Variants in JPT2 observed in about 807,000 individuals in gnomAD.
JPT2 encodes the protein Jupiter microtubule associated homolog 2, also known as CRAMP_1 like.
A neutral mutation model predicts 15.9 loss-of-function variants in JPT2; 9 were observed. The ratio of observed to expected loss-of-function variants is 0.57; its 90% CI spans 0.34 to 0.99. The LOEUF is 0.99. JPT2 is among the 50% of genes least tolerant of loss of function. The pLI is 0.02. For synonymous variants in JPT2, 95 were observed against 91.7 expected (o/e 1.04, Z -0.21); for missense variants, 267 against 252.1 (o/e 1.06, Z -0.40).
intron 1 of JPT2, 128 bp from the exon 2 acceptor site, chr16:1,685,311 G>T: frequency 2.0e-6 from 2 of 1,002,618 alleles, no homozygotes; most frequent in South Asian, 3.2e-5. Flanking sequence ...CTGGGTGACA[G>T]AATGAGACCT....
In JPT2 at chr16:1,699,504, G is replaced by C. The variant is rs1159169009; in HGVS notation, c.*506G>C. ...CATTTTACCCCCAGCATATTGTTCT[G>C]TAGTCTTTTCTTGAAACATCTTGAT... On this transcript the variant is annotated 3_prime_UTR_variant, in exon 5 of 5. Coordinates refer to ENST00000248098, the MANE Select transcript of JPT2 (RefSeq NM_144570.3). 2 of 329,918 alleles carry C rather than the reference G, an allele frequency of 6.1e-6. No individual in the cohort carries two copies. The highest frequency in any genetic ancestry group is 7.7e-5 in the East Asian group (1 of 13,050). 20.4% of individuals were successfully genotyped at this position (329,918 alleles called of 1,614,324 possible).
At chr16:1,692,230 C>T (rs2037108680) in intron 3 of JPT2, 2 of 547,120 alleles carry the variant, frequency 3.7e-6, no homozygotes, top group East Asian at 6.5e-5. Flanking sequence ...ACGCCCACTG[C>T]AGACGGGCTG....
chr16:1,696,940 G>A (rs1049026175), intron 3 of JPT2, among the ~76,000 whole-genome samples: 4 of 152,200 alleles, frequency 2.6e-5, no homozygotes, highest in Non-Finnish European at 5.9e-5. Context: ...ATTACCATAT[G>A]ACCGAATAAT....
At chr16:1,696,243 C>T (rs1420644295) in intron 3 of JPT2, among the ~76,000 whole-genome samples, 3 of 150,796 alleles carry the variant, frequency 2.0e-5, no homozygotes, top group Non-Finnish European at 3.0e-5. Context: ...AAACAAAAAA[C>T]AAACAAAAAA....
intron 3 of JPT2, among the ~76,000 whole-genome samples, chr16:1,694,300 G>A (rs1175989785): frequency 3.3e-5 from 5 of 152,134 alleles, no homozygotes; most frequent in African/African-American, 4.8e-5. Flanking sequence ...ACGCTGTTTC[G>A]TCAAAAAAAT....
chr16:1,680,324 C>T (rs1168785622), intron 1 of JPT2: 7 of 1,002,930 alleles, frequency 7.0e-6, no homozygotes, highest in East Asian at 1.1e-4. Context: ...CCCTGAGCGA[C>T]GCCGATGTTT....
chr16:1,695,646 A>G (rs1417107416), intron 3 of JPT2, among the ~76,000 whole-genome samples: 1 of 152,088 alleles, frequency 6.6e-6, no homozygotes, highest in Non-Finnish European at 1.5e-5. Flanking sequence ...TGAAGCAGGC[A>G]GATTGCTTGA....
At chr16:1,687,528 CAG>C (rs753148462) in intron 2 of JPT2, among the ~76,000 whole-genome samples, 6 of 152,182 alleles carry the variant, frequency 3.9e-5, no homozygotes, top group Non-Finnish European at 5.9e-5. Flanking sequence ...CCCTACTCAG[CAG>C]AGTCATGTCT....
chr16:1,685,316 A>G (rs2037056191), intron 1 of JPT2, 123 bp from the exon 2 acceptor site: 8 of 1,055,976 alleles, frequency 7.6e-6, no homozygotes, highest in Non-Finnish European at 1.1e-5. Flanking sequence ...TGACAGAATG[A>G]GACCTTGTCT....
At chr16:1,688,887 T>G (rs1314947689) in intron 2 of JPT2, 1 of 152,238 alleles carries the variant, frequency 6.6e-6, no homozygotes, top group African/African-American at 2.4e-5. Context: ...ACATATGTGG[T>G]ATGACTACCT....
chr16:1,702,133 C>T (rs370372420), downstream of JPT2: 185 of 456,032 alleles, frequency 4.1e-4, no homozygotes, highest in Middle Eastern at 0.011. Flanking sequence ...AATATCCTTA[C>T]AGGCATTATG....
intron 1 of JPT2, among the ~76,000 whole-genome samples, chr16:1,684,562 G>A (rs1163832761): frequency 1.3e-5 from 2 of 152,032 alleles, no homozygotes; most frequent in Non-Finnish European, 2.9e-5. Flanking sequence ...CCAACATGGC[G>A]AAACCCCGTC....
In JPT2 at chr16:1,699,093, A is replaced by G; in HGVS notation, c.*95A>G. 7.6e-7 allele frequency: 1 copy of G among 1,322,162 alleles called. No individual in the cohort carries two copies. Among genetic ancestry groups the G allele is most frequent in the South Asian group, 1.2e-5 (1 of 84,646 alleles). 81.9% of individuals were successfully genotyped at this position (1,322,162 alleles called of 1,614,324 possible). ...TTTTGCCCAAATGAGCGGGGTGGGA[A>G]GAGGGTTAGTCTTATGTGAGCCTGG... On this transcript the variant is annotated 3_prime_UTR_variant, in exon 5 of 5. Transcript: ENST00000248098.
At position 1,699,260 on chromosome 16, in the gene JPT2, G is replaced by C. The variant is rs753787716; in HGVS notation, c.*262G>C. 2.9e-5 allele frequency: 18 copies of C among 617,166 alleles called. No homozygotes were observed. The highest frequency in any genetic ancestry group is 1.0e-4 in the East Asian group (3 of 29,768). The allele number at this position is 617,166 out of a possible 1,614,324, so 38.2% of individuals were successfully genotyped here. ...GTCCAGGTTTGAGAGGAACTGGAAG[G>C]GGGGTGAGGGTGGGGAGGTGGGGCA... On this transcript the variant is annotated 3_prime_UTR_variant, in exon 5 of 5. Coordinates refer to ENST00000248098, the MANE Select transcript of JPT2 (RefSeq NM_144570.3).
At chr16:1,696,706 G>A (rs1375783630) in intron 3 of JPT2, among the ~76,000 whole-genome samples, 1 of 152,148 alleles carries the variant, frequency 6.6e-6, no homozygotes, top group Non-Finnish European at 1.5e-5. Flanking sequence ...GATACAAGCA[G>A]CCAAAAACCA....
intron 2 of JPT2, among the ~76,000 whole-genome samples, chr16:1,687,005 C>T (rs998370266): frequency 1.3e-5 from 2 of 152,296 alleles, no homozygotes; most frequent in African/African-American, 2.4e-5. Flanking sequence ...TGTTTTGAGA[C>T]GGGGTCTCAC....
At chr16:1,683,516 C>T in intron 1 of JPT2, 1 of 1,533,898 alleles carries the variant, frequency 6.5e-7, no homozygotes, top group Non-Finnish European at 8.7e-7. Flanking sequence ...CAGGAAATGG[C>T]AACTGCTGAC....
rs1439734556 is a variant in JPT2, at chr16:1,699,413, A to G, written c.*415A>G. On this transcript the variant is annotated 3_prime_UTR_variant, in exon 5 of 5. Coordinates refer to ENST00000248098, the MANE Select transcript of JPT2 (RefSeq NM_144570.3). ...GCGTAAGCAGAAACACTAACAGTATATTGACCTCTTAGCAGAACCGCTTCC... is the reference window on the plus strand; with the variant it reads ...GCGTAAGCAGAAACACTAACAGTATGTTGACCTCTTAGCAGAACCGCTTCC... 1 of 393,504 alleles carries G rather than the reference A, an allele frequency of 2.5e-6. No homozygotes were observed. Among genetic ancestry groups the G allele is most frequent in the Non-Finnish European group, 5.1e-6 (1 of 196,174 alleles). 24.4% of individuals were successfully genotyped at this position (393,504 alleles called of 1,614,324 possible). A position where few individuals can be genotyped will look rare whatever the true frequency, so the allele number is the denominator to read the frequency against.
intron 1 of JPT2, chr16:1,683,415 C>A: frequency 3.3e-5 from 22 of 657,412 alleles, no homozygotes; most frequent in Admixed American, 2.3e-4. Context: ...CCGGACAGCC[C>A]TTTCTCATTT....
Sources: gnomAD v4.1 joint callset for allele counts (sites outside exome capture counted in the v4.1 genomes callset) on GRCh38, gnomAD v4.1.1 for gene constraint, MANE v1.5 for transcripts, NCBI Gene and HGNC (gene_info 2026-07-23, HGNC 2026-07-21) for gene names.